MECOM: variants seen among roughly 807,000 people sequenced by gnomAD.
The protein encoded by MECOM is MDS1 and EVI1 complex locus.
A neutral mutation model predicts 116.3 loss-of-function variants in MECOM; 13 were observed. The observed-to-expected ratio is 0.11, with a 90% confidence interval of 0.07 to 0.18. MECOM has a LOEUF of 0.18. MECOM is among the 10% of genes least tolerant of loss of function. MECOM has a pLI of 1.00. For synonymous variants in MECOM, 528 were observed against 535.2 expected, an observed-to-expected ratio of 0.99 and a Z score of 0.19; for missense variants, 1,299 against 1,509.0, an observed-to-expected ratio of 0.86 and a Z score of 2.31.
At chr3:169,386,514 C>G (rs942815748) in intron 1 of MECOM, among the ~76,000 whole-genome samples, 3 of 152,078 alleles carry the variant, frequency 2.0e-5, no homozygotes, top group Admixed American at 6.5e-5. Context: ...TGGCTTTTGA[C>G]TTTTTCATTG....
intron 1 of MECOM, among the ~76,000 whole-genome samples, chr3:169,546,162 CT>C (rs1439448720): frequency 1.3e-5 from 2 of 152,074 alleles, no homozygotes; most frequent in Non-Finnish European, 2.9e-5. Context: ...ATTTCTAATT[CT>C]TTTAAAATTG....
At chr3:169,168,973 A>G (rs1744020301) in intron 2 of MECOM, among the ~76,000 whole-genome samples, 1 of 151,928 alleles carries the variant, frequency 6.6e-6, no homozygotes, top group African/African-American at 2.4e-5. Flanking sequence ...TCTTCATATA[A>G]TATAGATAAA....
At chr3:169,435,528 T>A (rs1163561965) in intron 1 of MECOM, among the ~76,000 whole-genome samples, 1 of 152,132 alleles carries the variant, frequency 6.6e-6, no homozygotes, top group Non-Finnish European at 1.5e-5. Context: ...ACATATGTTT[T>A]CTCCAAAATA....
intron 2 of MECOM, among the ~76,000 whole-genome samples, chr3:169,214,550 T>G (rs954044197): frequency 6.6e-6 from 1 of 151,636 alleles, no homozygotes; most frequent in Non-Finnish European, 1.5e-5. Flanking sequence ...GCAAAAAGAG[T>G]TTTGGTTTAG....
chr3:169,548,949 C>T (rs1398129035), intron 1 of MECOM, among the ~76,000 whole-genome samples: 1 of 150,732 alleles, frequency 6.6e-6, no homozygotes, highest in Non-Finnish European at 1.5e-5. Context: ...GCCATAAACA[C>T]GTAAAACTGA....
intron 2 of MECOM, among the ~76,000 whole-genome samples, chr3:169,233,458 T>C (rs1174289432): frequency 2.6e-5 from 4 of 152,178 alleles, no homozygotes. Context: ...GTACAGATCC[T>C]TGTATTTTAC....
chr3:169,172,577 A>G (rs1050134160), intron 2 of MECOM, among the ~76,000 whole-genome samples: 15 of 152,218 alleles, frequency 9.9e-5, no homozygotes, highest in Non-Finnish European at 2.1e-4. Context: ...TAGATAAAAT[A>G]GTAATTGATA....
At chr3:169,596,123 T>C (rs999755285) in intron 1 of MECOM, among the ~76,000 whole-genome samples, 1 of 152,248 alleles carries the variant, frequency 6.6e-6, no homozygotes, top group South Asian at 2.1e-4. Context: ...CTTCTCCATT[T>C]TCTCAAAAGG....
At chr3:169,395,101 G>A (rs531419375) in intron 1 of MECOM, among the ~76,000 whole-genome samples, 3 of 152,128 alleles carry the variant, frequency 2.0e-5, no homozygotes, top group Non-Finnish European at 4.4e-5. Flanking sequence ...TAAATATTTG[G>A]TGAGTCACAA....
chr3:169,535,679 TC>T (rs994673224), intron 1 of MECOM, among the ~76,000 whole-genome samples: 23 of 152,298 alleles, frequency 1.5e-4, no homozygotes, highest in African/African-American at 5.1e-4. Flanking sequence ...TTATAGCCTA[TC>T]CCATCTGGAT....
intron 1 of MECOM, among the ~76,000 whole-genome samples, chr3:169,425,302 G>T (rs562720920): frequency 6.6e-6 from 1 of 152,116 alleles, no homozygotes; most frequent in Non-Finnish European, 1.5e-5. Context: ...CTCTTTGCAC[G>T]AGAAAACGGA....
intron 2 of MECOM, among the ~76,000 whole-genome samples, chr3:169,227,870 G>A (rs1263289020): frequency 6.6e-6 from 1 of 152,152 alleles, no homozygotes; most frequent in Non-Finnish European, 1.5e-5. Flanking sequence ...GGATTTTGTT[G>A]CTGTGAAAGT....
chr3:169,522,469 G>A (rs1757467635), intron 1 of MECOM, among the ~76,000 whole-genome samples: 1 of 152,070 alleles, frequency 6.6e-6, no homozygotes, highest in Admixed American at 6.5e-5. Context: ...CTTCTGCCTT[G>A]GTTCATAGTG....
chr3:169,151,487 C>A (rs1441554563), intron 2 of MECOM, among the ~76,000 whole-genome samples: 2 of 152,216 alleles, frequency 1.3e-5, no homozygotes, highest in African/African-American at 4.8e-5. Context: ...AGCCTAACAT[C>A]TTTGTTTTAA....
intron 2 of MECOM, among the ~76,000 whole-genome samples, chr3:169,349,979 CT>C (rs1726032830): frequency 6.6e-6 from 1 of 151,838 alleles, no homozygotes; most frequent in Non-Finnish European, 1.5e-5. Context: ...ATTAATATAT[CT>C]ACTTATAATA....
At chr3:169,600,068 C>T (rs73030346) in intron 1 of MECOM, among the ~76,000 whole-genome samples, 26,925 of 151,924 alleles carry the variant, frequency 0.18, 2,501 homozygotes, top group Middle Eastern at 0.23. Flanking sequence ...ACTTCCTGGA[C>T]TCAAGCCATT....
chr3:169,100,283 G>C (rs929527194), intron 12 of MECOM, among the ~76,000 whole-genome samples: 1 of 151,540 alleles, frequency 6.6e-6, no homozygotes, highest in Non-Finnish European at 1.5e-5. Context: ...ATTTTTGGTA[G>C]ACACAGGGTT....
chr3:169,328,753 C>T (rs532909006), intron 2 of MECOM, among the ~76,000 whole-genome samples: 4 of 152,178 alleles, frequency 2.6e-5, no homozygotes, highest in South Asian at 2.1e-4. Context: ...TACAGGGCCT[C>T]GCTCCCAACT....
At chr3:169,271,082 G>A (rs1758888908) in intron 2 of MECOM, among the ~76,000 whole-genome samples, 1 of 152,168 alleles carries the variant, frequency 6.6e-6, no homozygotes, top group African/African-American at 2.4e-5. Context: ...TTCTCCGAAG[G>A]GAGTCAATTC....
Sources: gnomAD v4.1 joint callset for allele counts (sites outside exome capture counted in the v4.1 genomes callset) on GRCh38, gnomAD v4.1.1 for gene constraint, MANE v1.5 for transcripts, NCBI Gene and HGNC (gene_info 2026-07-23, HGNC 2026-07-21) for gene names.